The following EIF2AK4 variants were observed in gnomAD, a reference collection of about 807,000 sequenced individuals.
The protein encoded by EIF2AK4 is eukaryotic translation initiation factor 2 alpha kinase 4.
Under a neutral mutation model 211.1 loss-of-function variants are expected in EIF2AK4, and 139 were observed. The observed-to-expected ratio is 0.66, with a 90% CI of 0.57 to 0.76. The LOEUF (loss-of-function observed/expected upper bound fraction) is 0.76. Ranked by LOEUF, EIF2AK4 falls within the 30% of genes least tolerant of loss-of-function variation. The pLI is 0.00. For synonymous variants in EIF2AK4, 710 were observed against 751.3 expected, an observed-to-expected ratio of 0.94 and a Z score of 0.90; for missense variants, 1,664 against 2,043.8, an observed-to-expected ratio of 0.81 and a Z score of 3.58.
Position 40,007,065 on chromosome 15 carries a change from G to A in EIF2AK4, c.3407G>A (p.Arg1136Gln), listed in dbSNP as rs757387513. 8.8e-6 allele frequency: 14 copies of A among 1,588,676 alleles called. No homozygotes were observed. The highest frequency in any genetic ancestry group is 2.7e-5 in the African/African-American group (2 of 74,364). ...AGAAATAATATATTGAATTTAAAACGGTAAGAAACAATAGGAGATTCCATT... is the reference window on the plus strand; with the variant it reads ...AGAAATAATATATTGAATTTAAAACAGTAAGAAACAATAGGAGATTCCATT... ...VARNNILNLK[R>Q]YCIERVFRPR... The change falls in exon 24 of 39, where the codon CGA (arginine) becomes CAA (glutamine). Residue 1136 changes from arginine to glutamine, a missense_variant and splice_region_variant. By Grantham distance (43) the Arg-to-Gln change is conservative. Around this residue, in one of 7 missense-constraint regions of EIF2AK4, gnomAD observed 622 missense variants for 796.8 expected, o/e 0.78. Coordinates refer to ENST00000263791, the MANE Select transcript of EIF2AK4 (RefSeq NM_001013703.4).
At chr15:40,005,842 A>G (rs1341823654) in intron 23 of EIF2AK4, among the ~76,000 whole-genome samples, 3 of 152,094 alleles carry the variant, frequency 2.0e-5, no homozygotes, top group African/African-American at 7.2e-5. Flanking sequence ...GAGTGCTGGG[A>G]TTACAGGCGT....
intron 27 of EIF2AK4, among the ~76,000 whole-genome samples, chr15:40,013,780 A>G (rs1260955081): frequency 1.3e-5 from 2 of 152,166 alleles, no homozygotes; most frequent in Non-Finnish European, 2.9e-5. Flanking sequence ...CAGCTAAACC[A>G]TATCATTCTA....
At chr15:40,001,307 G>C in intron 21 of EIF2AK4, 83 bp downstream of exon 21, 5 of 1,367,550 alleles carry the variant, frequency 3.7e-6, no homozygotes, top group Non-Finnish European at 5.1e-6. Context: ...TTCTTTTAAT[G>C]CCTCTAACAT....
intron 17 of EIF2AK4, 66 bp from the exon 18 acceptor site, chr15:39,992,702 GT>G: frequency 7.1e-7 from 1 of 1,411,054 alleles, no homozygotes; most frequent in Non-Finnish European, 1.0e-6. Context: ...ACCTTTTTTT[GT>G]TTTTAGTTTG....
At chr15:39,988,153 TTA>T in intron 15 of EIF2AK4, 48 bp downstream of exon 15, 1 of 1,596,160 alleles carries the variant, frequency 6.3e-7, no homozygotes, top group Non-Finnish European at 8.6e-7. Context: ...TTACATAAAT[TTA>T]TGACTGCATA....
Position 39,972,992 on chromosome 15 carries a change from T to G in EIF2AK4, c.1638T>G (p.Pro546=). The part of the protein sequence containing the change: ...HSFINPQPKM[P]LVEQSPEDSE... ...TTATAAATCCCCAGCCAAAAATGCC[T>G]CTAGTGGAACAAAGTCCTGAAGGTG... Residue 546 remains proline (P), a synonymous_variant, in exon 10 of 39, where the codon CCT becomes CCG. Transcript: ENST00000263791. The G allele has an allele frequency of 6.2e-7, 1 of 1,614,084 alleles. No homozygotes were observed. Among genetic ancestry groups the G allele is most frequent in the Non-Finnish European group, 8.5e-7 (1 of 1,179,968 alleles).
intron 1 of EIF2AK4, among the ~76,000 whole-genome samples, 192 bp from the exon 2 acceptor site, chr15:39,939,313 G>C (rs1488029539): frequency 6.6e-6 from 1 of 152,174 alleles, no homozygotes; most frequent in Non-Finnish European, 1.5e-5. Context: ...CTTAAAAAAG[G>C]AAAGTGCATT....
chr15:39,937,742 T>G (rs2034087517), intron 1 of EIF2AK4, among the ~76,000 whole-genome samples: 1 of 152,180 alleles, frequency 6.6e-6, no homozygotes, highest in African/African-American at 2.4e-5. Context: ...AGTTCTTCGT[T>G]CCATCAAAGT....
At chr15:39,963,730 T>C (rs2034504722) in intron 7 of EIF2AK4, among the ~76,000 whole-genome samples, 1 of 152,214 alleles carries the variant, frequency 6.6e-6, no homozygotes, top group Non-Finnish European at 1.5e-5. Flanking sequence ...GTTCTTTTGA[T>C]AATGTATTTT....
intron 12 of EIF2AK4, chr15:39,977,189 A>C: frequency 9.9e-6 from 2 of 202,546 alleles, no homozygotes; most frequent in Non-Finnish European, 2.0e-5. Context: ...ACCAAATGCA[A>C]TCTAAAGGAG....
At chr15:39,939,750 CA>C (rs1322799554) in intron 2 of EIF2AK4, 133 bp downstream of exon 2, 1 of 610,784 alleles carries the variant, frequency 1.6e-6, no homozygotes. Context: ...TCTATTTCAA[CA>C]AAACTACATC....
intron 3 of EIF2AK4, chr15:39,946,671 C>T (rs1455258987): frequency 1.6e-5 from 11 of 699,996 alleles, no homozygotes; most frequent in Admixed American, 1.4e-4. Context: ...TTGAATGCTA[C>T]AGAGAAATCT....
chr15:40,007,616 ATTG>A (rs1043820485), intron 24 of EIF2AK4, among the ~76,000 whole-genome samples: 9 of 152,346 alleles, frequency 5.9e-5, no homozygotes, highest in South Asian at 2.1e-4. Context: ...TTGGAGCAGT[ATTG>A]TTGTCAATGA....
At chr15:40,032,091 A>G (rs1468021664) in intron 35 of EIF2AK4, 78 bp from the exon 36 acceptor site, 2 of 1,210,144 alleles carry the variant, frequency 1.7e-6, no homozygotes, top group East Asian at 4.7e-5. Context: ...CTGTGATTGT[A>G]TCCTGGGATA....
intron 33 of EIF2AK4, among the ~76,000 whole-genome samples, chr15:40,028,661 C>G (rs1006868669): frequency 2.0e-5 from 3 of 152,140 alleles, no homozygotes; most frequent in Non-Finnish European, 4.4e-5. Flanking sequence ...CTTATTTGCA[C>G]CTAGCCTTAA....
At chr15:39,960,273 A>T (rs78035688) in intron 6 of EIF2AK4, among the ~76,000 whole-genome samples, 9,306 of 151,896 alleles carry the variant, frequency 0.061, 474 homozygotes, top group East Asian at 0.29. Flanking sequence ...GAAAGAGAGG[A>T]TGTGTAGGAT....
chr15:39,975,880 A>G (rs577385343), intron 11 of EIF2AK4, among the ~76,000 whole-genome samples: 1 of 152,256 alleles, frequency 6.6e-6, no homozygotes, highest in Non-Finnish European at 1.5e-5. Flanking sequence ...CATTTTAAAG[A>G]TAAGAAAATT....
chr15:39,982,188 T>G (rs563306528), intron 13 of EIF2AK4, among the ~76,000 whole-genome samples: 8 of 152,372 alleles, frequency 5.3e-5, no homozygotes, highest in African/African-American at 1.9e-4. Flanking sequence ...CCTCCCAAAG[T>G]GCTGGGATTA....
chr15:39,955,830 A>G lies in EIF2AK4; in HGVS notation c.743+62A>G. On this transcript the variant is annotated intron_variant, in intron 6 of 38. Transcript: ENST00000263791. ...GATGTAGAAGGATTTTACTACATTGAAGATGTAGTGAAATTTGATGGAAAT... is the reference window on the plus strand; with the variant it reads ...GATGTAGAAGGATTTTACTACATTGGAGATGTAGTGAAATTTGATGGAAAT... The G allele has an allele frequency of 3.4e-6, 5 of 1,485,994 alleles. No individual in the cohort carries two copies. In the South Asian group the frequency reaches 7.1e-5, roughly 21 times the overall value. The allele number at this position is 1,485,994 out of a possible 1,614,324, so 92.1% of individuals were successfully genotyped here. A position where few individuals can be genotyped will look rare whatever the true frequency, so the allele number is the denominator to read the frequency against.
Sources: gnomAD v4.1 joint callset for allele counts (sites outside exome capture counted in the v4.1 genomes callset) on GRCh38, gnomAD v4.1.1 for gene constraint, gnomAD v4.1.1 regional missense constraint, MANE v1.5 for transcripts, NCBI Gene and HGNC (gene_info 2026-07-23, HGNC 2026-07-21) for gene names.